The following PACRG variants were observed in gnomAD, a reference collection of about 807,000 sequenced individuals.
The protein encoded by PACRG is parkin coregulated, also known as parkin coregulated gene protein.
PACRG carries 29 observed loss-of-function variants against 29.7 expected under a neutral mutation model. The ratio of observed to expected loss-of-function variants is 0.98; its 90% CI spans 0.73 to 1.33. The LOEUF is 1.33. PACRG is among the 40% of genes most tolerant of loss of function. The probability of loss-of-function intolerance (pLI) is 0.00; values close to 1 mark genes in which losing one functional copy is unlikely to be tolerated. For missense variants in PACRG, 279 were observed against 316.2 expected, an observed-to-expected ratio of 0.88 and a Z score of 0.89; for synonymous variants, 116 against 118.7, an observed-to-expected ratio of 0.98 and a Z score of 0.15.
At chr6:163,224,973 A>G (rs1254810382) in intron 4 of PACRG, among the ~76,000 whole-genome samples, 1 of 152,242 alleles carries the variant, frequency 6.6e-6, no homozygotes, top group Non-Finnish European at 1.5e-5. Context: ...TACAAAATAT[A>G]TAAGGAACTC....
intron 2 of PACRG, among the ~76,000 whole-genome samples, chr6:162,947,611 CAT>C (rs1170513962): frequency 0.031 from 869 of 27,874 alleles, 21 homozygotes; most frequent in East Asian, 0.081. Context: ...TATATATAAT[CAT>C]ATATATATAT....
At position 162,769,159 on chromosome 6, in the gene PACRG, A is replaced by G. The variant is rs117795995; in HGVS notation, c.156+40768A>G. ...GGAGAATCTCCTCGGAAGAGGACAGACTAAACTTGTAATCTGCACACCTTT... is the reference window on the plus strand; with the variant it reads ...GGAGAATCTCCTCGGAAGAGGACAGGCTAAACTTGTAATCTGCACACCTTT... On this transcript the variant is annotated intron_variant, in intron 1 of 4. Coordinates refer to ENST00000366888, the MANE Select transcript of PACRG (RefSeq NM_001080379.2). Among the ~76,000 whole-genome samples the G allele has an allele frequency of 2.4e-4, 37 of 152,270 alleles. No homozygotes were observed. The East Asian group carries it at 6.9e-3, about 29-fold the overall frequency.
intron 4 of PACRG, among the ~76,000 whole-genome samples, chr6:163,274,639 G>A (rs1393600435): frequency 2.6e-5 from 4 of 152,274 alleles, no homozygotes; most frequent in Non-Finnish European, 4.4e-5. Context: ...CTAGTTTACA[G>A]TCCCACCAAC....
At chr6:163,130,266 A>G (rs1188647612) in intron 4 of PACRG, among the ~76,000 whole-genome samples, 1 of 152,156 alleles carries the variant, frequency 6.6e-6, no homozygotes, top group Non-Finnish European at 1.5e-5. Flanking sequence ...AATGTTAGCA[A>G]ACTGCATTGG....
At position 163,311,408 on chromosome 6, in the gene PACRG, C is replaced by T. The variant is rs566165935; in HGVS notation, c.614-3419C>T. Among the ~76,000 whole-genome samples the T allele has an allele frequency of 4.6e-5, 7 of 152,260 alleles. No individual in the cohort carries two copies. In the South Asian group the frequency reaches 1.5e-3, roughly 32 times the overall value. On this transcript the variant is annotated intron_variant, in intron 4 of 4. Transcript: ENST00000366888. ...AATCAGAATTGACAATTGTAAATAA[C>T]CATTTGGGTTTATTCGTTTTAATGT...
chr6:162,765,925 G>C (rs1782751787), intron 1 of PACRG, among the ~76,000 whole-genome samples: 1 of 151,996 alleles, frequency 6.6e-6, no homozygotes, highest in Non-Finnish European at 1.5e-5. Context: ...TTTTTAAGAA[G>C]TTTTATTTTA....
chr6:163,051,911 T>A (rs1282496511), intron 2 of PACRG: 3 of 152,208 alleles, frequency 2.0e-5, no homozygotes, highest in Non-Finnish European at 4.4e-5. Context: ...TTGTCTGCCA[T>A]CTTGCCTGAA....
chr6:162,896,595 T>A (rs1340028786), intron 2 of PACRG, among the ~76,000 whole-genome samples: 1 of 152,206 alleles, frequency 6.6e-6, no homozygotes, highest in East Asian at 1.9e-4. Flanking sequence ...GATAGGAAGG[T>A]TGTGTTCTCA....
At chr6:162,962,381 G>C (rs1477053338) in intron 2 of PACRG, among the ~76,000 whole-genome samples, 1 of 152,170 alleles carries the variant, frequency 6.6e-6, no homozygotes. Flanking sequence ...TGACTCCACT[G>C]TTTCCTCTGA....
Position 162,962,009 on chromosome 6 carries a change from A to ATG in PACRG, c.292-100141_292-100140insTG, listed in dbSNP as rs537514588. On this transcript the variant is annotated intron_variant, in intron 2 of 4. Coordinates refer to ENST00000366888, the MANE Select transcript of PACRG (RefSeq NM_001080379.2). ...TCAACCATCATTTGCATCACTGCTA[A>ATG]ACTTTTGTTCCTCCTTGAATTTCCT... Among the ~76,000 whole-genome samples the ATG allele has an allele frequency of 1.8e-3, 281 of 152,272 alleles. 1 individual carries two copies. Among genetic ancestry groups the ATG allele is most frequent in the African/African-American group, 6.3e-3 (262 of 41,550 alleles).
At chr6:162,791,098 A>T (rs1023471306) in intron 1 of PACRG, among the ~76,000 whole-genome samples, 10 of 152,232 alleles carry the variant, frequency 6.6e-5, no homozygotes, top group African/African-American at 2.4e-4. Context: ...TGTTGCTTTC[A>T]ATTTATGTAT....
rs116899381 is a variant in PACRG, at chr6:163,092,813, T to C, written c.613+3405T>C. Among the ~76,000 whole-genome samples, 92 of 152,340 alleles carry C rather than the reference T, an allele frequency of 6.0e-4. No homozygotes were observed. In the East Asian group the frequency reaches 0.011, roughly 19 times the overall value. On this transcript the variant is annotated intron_variant, in intron 4 of 4. Coordinates refer to ENST00000366888, the MANE Select transcript of PACRG (RefSeq NM_001080379.2). ...CATTATATACATATCCAATATTATA[T>C]ACATACAATAGTATATATTATAGAA... is the stretch of plus-strand genomic sequence containing the variant.
At chr6:162,859,453 G>A (rs1399874002) in intron 2 of PACRG, among the ~76,000 whole-genome samples, 2 of 152,072 alleles carry the variant, frequency 1.3e-5, no homozygotes, top group Non-Finnish European at 2.9e-5. Flanking sequence ...CTCAGCACAC[G>A]TTTAACTGAG....
In PACRG at chr6:162,814,238, T is replaced by C; in HGVS notation, c.248T>C (p.Ile83Thr). 6.2e-7 allele frequency: 1 copy of C among 1,614,020 alleles called. No homozygotes were observed. Among genetic ancestry groups the C allele is most frequent in the Non-Finnish European group, 8.5e-7 (1 of 1,179,932 alleles). Residue 83 changes from isoleucine (I) to threonine (T), a missense_variant, in exon 2 of 5, where the codon ATT (isoleucine) becomes ACT (threonine). Transcript: ENST00000366888. ...TTCTATGAGCGAGGTGACTTCCCAATTGCCCTTGAGCATGATTCGAAAGGA... is the reference window on the plus strand; with the variant it reads ...TTCTATGAGCGAGGTGACTTCCCAACTGCCCTTGAGCATGATTCGAAAGGA... ...RKFYERGDFPIALEHDSKGNK... is the reference protein window; with the variant it reads ...RKFYERGDFPTALEHDSKGNK...
intron 4 of PACRG, among the ~76,000 whole-genome samples, chr6:163,294,682 T>G (rs1280071228): frequency 6.6e-6 from 1 of 152,216 alleles, no homozygotes; most frequent in Non-Finnish European, 1.5e-5. Flanking sequence ...TAATTGTTAA[T>G]TGCTTAATGA....
intron 4 of PACRG, among the ~76,000 whole-genome samples, chr6:163,145,950 C>A (rs1412536889): frequency 6.6e-6 from 1 of 152,104 alleles, no homozygotes; most frequent in Non-Finnish European, 1.5e-5. Flanking sequence ...ACGAATGTAA[C>A]CTTTCTAACA....
intron 1 of PACRG, 74 bp downstream of exon 1, chr6:162,728,465 T>C (rs2276201): frequency 0.3 from 472,895 of 1,551,346 alleles, 80,048 homozygotes; most frequent in African/African-American, 0.7. Flanking sequence ...TTGGCCAGCC[T>C]TAGGATGGAC....
At chr6:162,778,609 T>A (rs979176588) in intron 1 of PACRG, among the ~76,000 whole-genome samples, 2 of 152,204 alleles carry the variant, frequency 1.3e-5, no homozygotes, top group Admixed American at 6.5e-5. Flanking sequence ...GAAGATGAAG[T>A]CCCTGGTGAA....
intron 2 of PACRG, among the ~76,000 whole-genome samples, chr6:162,975,544 T>G (rs2128164908): frequency 6.6e-6 from 1 of 152,320 alleles, no homozygotes. Context: ...ATTTGTCATG[T>G]TTTACTTTAG....
Sources: gnomAD v4.1 joint callset for allele counts (sites outside exome capture counted in the v4.1 genomes callset) on GRCh38, gnomAD v4.1.1 for gene constraint, MANE v1.5 for transcripts, NCBI Gene and HGNC (gene_info 2026-07-23, HGNC 2026-07-21) for gene names.